The following SUN1 variants were observed in gnomAD, a reference collection of about 807,000 sequenced individuals.
SUN1 encodes the protein SUN domain-containing protein 1.
SUN1 carries 61 observed loss-of-function variants against 103.2 expected under a neutral mutation model. The observed-to-expected ratio is 0.59, with a 90% CI of 0.48 to 0.73. SUN1 has a LOEUF of 0.73. Ranked by LOEUF, SUN1 falls within the 30% of genes least tolerant of loss-of-function variation. SUN1 has a pLI of 0.00. For synonymous variants in SUN1, 490 were observed against 425.7 expected, an observed-to-expected ratio of 1.15 and a Z score of -1.86; for missense variants, 1,052 against 1,034.6, an observed-to-expected ratio of 1.02 and a Z score of -0.23.
intron 1 of SUN1, among the ~76,000 whole-genome samples, chr7:820,978 A>G (rs1785325419): frequency 1.3e-5 from 2 of 151,996 alleles, no homozygotes; most frequent in Non-Finnish European, 1.5e-5. Flanking sequence ...TTGCATGCTT[A>G]TGACTCAACT....
chr7:848,304 C>A, intron 5 of SUN1: 1 of 935,480 alleles, frequency 1.1e-6, no homozygotes, highest in Non-Finnish European at 1.5e-6. Context: ...AAGTGATTAT[C>A]TTTGGTGTCC....
At chr7:850,318 C>A (rs570043892) in intron 5 of SUN1, 8 of 390,010 alleles carry the variant, frequency 2.1e-5, no homozygotes, top group South Asian at 2.0e-4. Flanking sequence ...CCTGCCACAG[C>A]CTCCTGAGTA....
chr7:852,520 T>G, intron 7 of SUN1, 89 bp from the exon 8 acceptor site: 1 of 1,532,694 alleles, frequency 6.5e-7, no homozygotes. Flanking sequence ...GGGGTGGATT[T>G]TGCACAAAAT....
At position 838,884 on chromosome 7, in the gene SUN1, G is replaced by T; in HGVS notation, c.164G>T (p.Ser55Ile). The T allele has an allele frequency of 6.2e-7, 1 of 1,608,842 alleles. No homozygotes were observed. Among genetic ancestry groups the T allele is most frequent in the Non-Finnish European group, 8.5e-7 (1 of 1,178,034 alleles). Reference sequence around the variant, plus strand: ...GATTCTCCACGGATGTCCCGCCGTAGTTTGCGCCTGGCCACGACAGCATGC... The same window carrying T: ...GATTCTCCACGGATGTCCCGCCGTATTTTGCGCCTGGCCACGACAGCATGC... Reference protein sequence around the residue: ...VFDSPRMSRRSLRLATTACTL... With the variant: ...VFDSPRMSRRILRLATTACTL... Residue 55 changes from serine to isoleucine, a missense_variant, in exon 2 of 19, where the codon AGT (serine) becomes ATT (isoleucine). Coordinates refer to ENST00000401592, the MANE Select transcript of SUN1 (RefSeq NM_001130965.3).
At chr7:825,220 G>T (rs555767214) in intron 1 of SUN1, among the ~76,000 whole-genome samples, 2 of 152,086 alleles carry the variant, frequency 1.3e-5, no homozygotes, top group Non-Finnish European at 2.9e-5. Flanking sequence ...CACTGCGCCC[G>T]GCTAATTTTG....
chr7:823,000 A>G (rs1201838942), intron 1 of SUN1, among the ~76,000 whole-genome samples: 1 of 152,146 alleles, frequency 6.6e-6, no homozygotes, highest in Non-Finnish European at 1.5e-5. Context: ...GAATTCCCGC[A>G]CGCACGTGGC....
In SUN1 at chr7:843,209, TTGATGA is replaced by T; in HGVS notation, c.461_466del (p.Asp154_Asp155del). 1 of 1,609,070 alleles carries T rather than the reference TTGATGA, an allele frequency of 6.2e-7. No homozygotes were observed. The highest frequency in any genetic ancestry group is 8.5e-7 in the Non-Finnish European group (1 of 1,179,690). ...GTGTGTGTGTTTTTTTTTTTAGGTCTTGATGATGATGGTGATCTTAAAGGTAATTAT... is the reference window on the plus strand; with the variant it reads ...GTGTGTGTGTTTTTTTTTTTAGGTCTTGATGGTGATCTTAAAGGTAATTAT... On this transcript the variant is annotated inframe_deletion, in exon 4 of 19. Coordinates refer to ENST00000401592, the MANE Select transcript of SUN1 (RefSeq NM_001130965.3).
chr7:829,039 C>T (rs1795478243), upstream of SUN1, among the ~76,000 whole-genome samples: 1 of 152,258 alleles, frequency 6.6e-6, no homozygotes, highest in African/African-American at 2.4e-5. Flanking sequence ...ACACTCAGGG[C>T]AGGGCAGCCA....
intron 1 of SUN1, among the ~76,000 whole-genome samples, chr7:817,772 C>G (rs1205229864): frequency 6.6e-6 from 1 of 152,104 alleles, no homozygotes; most frequent in Non-Finnish European, 1.5e-5. Context: ...TTTTTTGAAG[C>G]CTTTAGTTTT....
intron 5 of SUN1, among the ~76,000 whole-genome samples, chr7:846,177 C>T (rs1815472106): frequency 6.6e-6 from 1 of 151,996 alleles, no homozygotes; most frequent in Non-Finnish European, 1.5e-5. Flanking sequence ...GATGTGATCT[C>T]AGCTCACTGC....
At chr7:867,922 G>C (rs1327669135) in intron 16 of SUN1, among the ~76,000 whole-genome samples, 2 of 152,220 alleles carry the variant, frequency 1.3e-5, no homozygotes, top group Non-Finnish European at 2.9e-5. Context: ...CGGGCGTTTG[G>C]CTGCAACACC....
Position 860,169 on chromosome 7 carries a change from C to G in SUN1, c.1566C>G (p.Ser522=). ...GAGAAATGGTGAAACTCCTGTTTTC[C>G]GAAGATCAGCAAGGCGGTTCTCTGG... The part of the protein sequence containing the change: ...QVREMVKLLF[S]EDQQGGSLEQ... The change falls in exon 14 of 19, where the codon TCC becomes TCG. Residue 522 remains serine, a synonymous_variant. Transcript: ENST00000401592. 1 of 1,614,168 alleles carries G rather than the reference C, an allele frequency of 6.2e-7. No individual in the cohort carries two copies. Among genetic ancestry groups the G allele is most frequent in the Non-Finnish European group, 8.5e-7 (1 of 1,180,028 alleles).
chr7:817,308 C>A, intron 1 of SUN1: 1 of 957,008 alleles, frequency 1.0e-6, no homozygotes, highest in East Asian at 2.6e-5. Flanking sequence ...CTGCCCAGGT[C>A]GGACTCCTAG....
At chr7:850,863 T>C (rs1821401591) in intron 5 of SUN1, 1 of 152,264 alleles carries the variant, frequency 6.6e-6, no homozygotes. Flanking sequence ...AAGTTGATTG[T>C]GGCACATTCC....
intron 15 of SUN1, among the ~76,000 whole-genome samples, chr7:863,690 T>C (rs1184188684): frequency 6.6e-6 from 1 of 152,212 alleles, no homozygotes; most frequent in Non-Finnish European, 1.5e-5. Context: ...TTGGTAATTA[T>C]TGTGACGGAA....
At chr7:824,921 C>G (rs1232011926) in intron 1 of SUN1, among the ~76,000 whole-genome samples, 1 of 152,196 alleles carries the variant, frequency 6.6e-6, no homozygotes, top group Non-Finnish European at 1.5e-5. Context: ...GCTTCTGTTT[C>G]TAGCCCCTGT....
intron 2 of SUN1, chr7:839,236 G>A (rs1324466446): frequency 7.4e-6 from 3 of 403,698 alleles, no homozygotes; most frequent in African/African-American, 2.0e-5. Context: ...AGTTCTCTTC[G>A]CTGGTGCACG....
intron 17 of SUN1, among the ~76,000 whole-genome samples, chr7:870,067 T>A (rs939882313): frequency 1.3e-5 from 2 of 150,112 alleles, no homozygotes; most frequent in Non-Finnish European, 3.0e-5. Context: ...TGAGCCAGGC[T>A]TGGTGGCGCA....
At chr7:836,380 A>T (rs967240762) in intron 1 of SUN1, among the ~76,000 whole-genome samples, 1 of 152,202 alleles carries the variant, frequency 6.6e-6, no homozygotes, top group African/African-American at 2.4e-5. Context: ...TAGATTGATT[A>T]TGCGGAATTG....
Sources: allele counts gnomAD v4.1 joint callset (sites outside exome capture counted in the v4.1 genomes callset), GRCh38; gene constraint gnomAD v4.1.1; transcripts MANE v1.5; gene names NCBI Gene and HGNC (gene_info 2026-07-23, HGNC 2026-07-21).